SPAG16: variants seen among roughly 807,000 people sequenced by gnomAD.
SPAG16 encodes the protein sperm-associated antigen 16 protein.
In SPAG16, 86 loss-of-function variants were observed where a neutral mutation model predicts 80.4. The observed-to-expected ratio is 1.07, with a 90% CI of 0.90 to 1.28. The LOEUF is 1.28. SPAG16 is among the 50% of genes most tolerant of loss of function. The pLI, the probability that SPAG16 is intolerant of heterozygous loss-of-function variation, is 0.00. For synonymous variants in SPAG16, 294 were observed against 265.9 expected, an observed-to-expected ratio of 1.11 and a Z score of -1.03; for missense variants, 870 against 765.3, an observed-to-expected ratio of 1.14 and a Z score of -1.61.
intron 13 of SPAG16, among the ~76,000 whole-genome samples, chr2:214,087,915 A>G (rs2051888973): frequency 1.3e-5 from 2 of 152,176 alleles, no homozygotes. Flanking sequence ...TAAAAATAGT[A>G]TTCTGCACAA....
At chr2:213,759,005 C>G (rs2068500708) in intron 10 of SPAG16, among the ~76,000 whole-genome samples, 1 of 152,142 alleles carries the variant, frequency 6.6e-6, no homozygotes, top group Non-Finnish European at 1.5e-5. Flanking sequence ...AGGCAGTGGG[C>G]TGACATTCGA....
chr2:214,255,257 G>A (rs893411672), intron 15 of SPAG16, among the ~76,000 whole-genome samples: 1 of 151,904 alleles, frequency 6.6e-6, no homozygotes, highest in Admixed American at 6.6e-5. Flanking sequence ...CTTTCCTTCA[G>A]GGAACACATT....
At chr2:213,924,150 C>T (rs1326522854) in intron 11 of SPAG16, 1 of 152,656 alleles carries the variant, frequency 6.6e-6, no homozygotes, top group Non-Finnish European at 1.5e-5. Context: ...TGCTCCCAGG[C>T]ACTGCAACTA....
intron 10 of SPAG16, among the ~76,000 whole-genome samples, chr2:213,621,606 T>C (rs1359229764): frequency 6.6e-6 from 1 of 152,150 alleles, no homozygotes; most frequent in Non-Finnish European, 1.5e-5. Context: ...ATATTGTCAA[T>C]ATGACCAGGG....
At chr2:213,830,167 G>A (rs548625383) in intron 10 of SPAG16, among the ~76,000 whole-genome samples, 8 of 152,282 alleles carry the variant, frequency 5.3e-5, no homozygotes, top group East Asian at 1.9e-4. Context: ...AAGGCTTGCC[G>A]AAACTGAAGT....
At chr2:213,925,572 G>A (rs1487215580) in intron 11 of SPAG16, among the ~76,000 whole-genome samples, 4 of 152,072 alleles carry the variant, frequency 2.6e-5, no homozygotes, top group African/African-American at 7.2e-5. Context: ...GGCTGGTCTC[G>A]AACTCCTGAC....
intron 10 of SPAG16, among the ~76,000 whole-genome samples, chr2:213,616,744 A>G (rs1052492725): frequency 1.3e-5 from 2 of 152,166 alleles, no homozygotes; most frequent in Non-Finnish European, 2.9e-5. Context: ...TACATTAAAT[A>G]TTAGGACTTT....
At chr2:214,281,045 C>T (rs1261375302) in intron 15 of SPAG16, 8 of 392,814 alleles carry the variant, frequency 2.0e-5, no homozygotes, top group Non-Finnish European at 4.0e-5. Context: ...GCGCCAGAAA[C>T]TTTATTGCCA....
chr2:213,388,371 CT>C (rs2067561064), intron 9 of SPAG16, among the ~76,000 whole-genome samples: 1 of 152,308 alleles, frequency 6.6e-6, no homozygotes, highest in African/African-American at 2.4e-5. Context: ...GCCAAGTCTC[CT>C]TTTCCCACCT....
At chr2:213,879,994 A>G (rs2076284982) in intron 11 of SPAG16, among the ~76,000 whole-genome samples, 2 of 152,186 alleles carry the variant, frequency 1.3e-5, no homozygotes, top group East Asian at 1.9e-4. Flanking sequence ...CTTTGGGTAT[A>G]TACCCAGTAA....
At chr2:214,093,354 T>C (rs2052352050) in intron 13 of SPAG16, among the ~76,000 whole-genome samples, 1 of 152,102 alleles carries the variant, frequency 6.6e-6, no homozygotes, top group African/African-American at 2.4e-5. Context: ...ATTGCCATAG[T>C]AATGCTTGTA....
At chr2:214,291,602 G>T (rs1424742634) in intron 15 of SPAG16, among the ~76,000 whole-genome samples, 1 of 152,088 alleles carries the variant, frequency 6.6e-6, no homozygotes, top group African/African-American at 2.4e-5. Context: ...ACCGCGCCCG[G>T]CCTAGATCAT....
In SPAG16 at chr2:213,394,381, T is replaced by A. The variant is rs547342967; in HGVS notation, c.942+19262T>A. ...ATTTCTTAAAACTAATATTTTTACT[T>A]TGAGATAGCTTTAGATTCACATACA... is the stretch of plus-strand genomic sequence containing the variant. On this transcript the variant is annotated intron_variant, in intron 9 of 15. Coordinates refer to ENST00000331683, the MANE Select transcript of SPAG16 (RefSeq NM_024532.5). Among the ~76,000 whole-genome samples the A allele has an allele frequency of 1.5e-4, 23 of 152,296 alleles. 1 individual carries two copies. The highest frequency in any genetic ancestry group is 6.8e-3 in the Middle Eastern group (2 of 294).
chr2:214,032,766 G>C, intron 13 of SPAG16, among the ~76,000 whole-genome samples: 1 of 152,180 alleles, frequency 6.6e-6, no homozygotes, highest in East Asian at 1.9e-4. Flanking sequence ...TTTTGATGTA[G>C]ATTTACTTTG....
intron 10 of SPAG16, among the ~76,000 whole-genome samples, chr2:213,670,001 C>CTT (rs796432477): frequency 0.047 from 6,809 of 143,600 alleles, 530 homozygotes; most frequent in African/African-American, 0.16. Context: ...TGTTCTAATT[C>CTT]TTTTTTTTTT....
At chr2:213,807,834 T>C (rs1400593832) in intron 10 of SPAG16, among the ~76,000 whole-genome samples, 2 of 152,218 alleles carry the variant, frequency 1.3e-5, no homozygotes, top group Non-Finnish European at 1.5e-5. Context: ...ATTCATAAAG[T>C]TCTTTGCAGT....
chr2:213,347,183 A>T (rs940425365), intron 6 of SPAG16, among the ~76,000 whole-genome samples: 1 of 152,042 alleles, frequency 6.6e-6, no homozygotes, highest in Non-Finnish European at 1.5e-5. Context: ...AGAGGTGTTT[A>T]TAGTATTCTC....
intron 9 of SPAG16, among the ~76,000 whole-genome samples, chr2:213,437,560 T>C (rs2070717339): frequency 6.6e-6 from 1 of 152,196 alleles, no homozygotes; most frequent in African/African-American, 2.4e-5. Context: ...ATTCAGCCAT[T>C]ATAGGGGTGA....
At chr2:213,663,567 C>CA (rs757374093) in intron 10 of SPAG16, among the ~76,000 whole-genome samples, 6 of 152,160 alleles carry the variant, frequency 3.9e-5, no homozygotes, top group African/African-American at 1.2e-4. Context: ...TTATGGACAG[C>CA]AATTTGATAA....
Sources: gnomAD v4.1 joint callset for allele counts (sites outside exome capture counted in the v4.1 genomes callset) on GRCh38, gnomAD v4.1.1 for gene constraint, MANE v1.5 for transcripts, NCBI Gene and HGNC (gene_info 2026-07-23, HGNC 2026-07-21) for gene names.